ANK2: variants seen among roughly 807,000 people sequenced by gnomAD.
ANK2 encodes the protein ankyrin 2, also known as ankyrin-2.
Under a neutral mutation model 360.5 loss-of-function variants are expected in ANK2, and 83 were observed. The ratio of observed to expected loss-of-function variants is 0.23; its 90% CI spans 0.19 to 0.28. The LOEUF (loss-of-function observed/expected upper bound fraction) is 0.28. Ranked by LOEUF, ANK2 falls within the 10% of genes least tolerant of loss-of-function variation. ANK2 has a pLI of 1.00. For synonymous variants in ANK2, 1,740 were observed against 1,759.5 expected (o/e 0.99, Z 0.28); for missense variants, 4,201 against 4,795.7 (o/e 0.88, Z 3.66).
chr4:113,048,268 ATATATATATTTTTTTTTTT>A (rs2065309838), upstream of ANK2, among the ~76,000 whole-genome samples: 2 of 82,772 alleles, frequency 2.4e-5, no homozygotes, highest in East Asian at 3.2e-4. Context: ...ATATATATAT[ATATATATATTTTTTTTTTT>A]TTTTTTTTTT....
At chr4:113,381,386 C>A in intron 45 of ANK2, 71 bp from the exon 46 acceptor site, 1 of 1,539,844 alleles carries the variant, frequency 6.5e-7, no homozygotes, top group South Asian at 1.1e-5. Flanking sequence ...GTGTAATGGT[C>A]ACCTTCATTC....
At chr4:112,917,466 T>C (rs1488430446) in intron 2 of ANK2, among the ~76,000 whole-genome samples, 1 of 152,158 alleles carries the variant, frequency 6.6e-6, no homozygotes, top group African/African-American at 2.4e-5. Flanking sequence ...TAGGACTACA[T>C]TGGAGGTAAA....
the ANK2 span, among the ~76,000 whole-genome samples, chr4:112,783,176 C>T: frequency 6.6e-5 from 10 of 152,094 alleles, no homozygotes; most frequent in Admixed American, 2.6e-4. Context: ...CCCAAAGTGC[C>T]GGGATTATAG....
At chr4:113,232,507 A>G (rs956147996) in intron 5 of ANK2, among the ~76,000 whole-genome samples, 33 of 152,152 alleles carry the variant, frequency 2.2e-4, no homozygotes, top group Admixed American at 6.5e-5. Context: ...TTAATTTTCC[A>G]TCCTCTGACC....
chr4:112,714,964 T>C, the ANK2 span, among the ~76,000 whole-genome samples: 1 of 152,194 alleles, frequency 6.6e-6, no homozygotes, highest in Non-Finnish European at 1.5e-5. Context: ...CCATCAAACA[T>C]AGTGGCTTCA....
chr4:112,839,819 G>C (rs2061727121), intron 1 of ANK2, among the ~76,000 whole-genome samples: 1 of 152,138 alleles, frequency 6.6e-6, no homozygotes, highest in Admixed American at 6.5e-5. Context: ...TTTGATTGAA[G>C]GATGACTTTA....
At chr4:113,100,056 G>A (rs2092556732) in intron 1 of ANK2, among the ~76,000 whole-genome samples, 2 of 151,998 alleles carry the variant, frequency 1.3e-5, no homozygotes, top group Non-Finnish European at 2.9e-5. Flanking sequence ...AGGTGACCTT[G>A]GGTTTGATGA....
chr4:113,305,045 T>TA (rs1165269182), intron 23 of ANK2, among the ~76,000 whole-genome samples: 2 of 152,122 alleles, frequency 1.3e-5, no homozygotes, highest in Non-Finnish European at 2.9e-5. Context: ...ACGAAATTTA[T>TA]AAAAAATAGC....
At chr4:112,767,548 C>G in the ANK2 span, among the ~76,000 whole-genome samples, 3 of 145,680 alleles carry the variant, frequency 2.1e-5, no homozygotes, top group East Asian at 2.0e-4. Context: ...CACTGGGTGT[C>G]AGAGCGAGAC....
At chr4:113,109,762 C>T (rs2094084921) in intron 1 of ANK2, among the ~76,000 whole-genome samples, 1 of 151,982 alleles carries the variant, frequency 6.6e-6, no homozygotes, top group Admixed American at 6.6e-5. Flanking sequence ...ATATTTTATC[C>T]AGTATTTCTA....
chr4:112,719,991 GAGTT>G, the ANK2 span, among the ~76,000 whole-genome samples: 1 of 152,166 alleles, frequency 6.6e-6, no homozygotes, highest in Admixed American at 6.5e-5. Flanking sequence ...TGAGACTGGT[GAGTT>G]AGTCAACAGC....
the ANK2 span, among the ~76,000 whole-genome samples, chr4:112,809,418 G>A: frequency 8.6e-5 from 13 of 151,428 alleles, no homozygotes; most frequent in East Asian, 1.4e-3. Flanking sequence ...AAAATTAGCC[G>A]GGCATGGTGG....
chr4:113,129,758 C>A (rs1466976914), intron 1 of ANK2, among the ~76,000 whole-genome samples: 1 of 152,082 alleles, frequency 6.6e-6, no homozygotes, highest in Middle Eastern at 3.2e-3. Flanking sequence ...ATGATATTGG[C>A]ATTGATGTAA....
chr4:113,225,408 A>T (rs955260302), intron 4 of ANK2, among the ~76,000 whole-genome samples: 1 of 152,126 alleles, frequency 6.6e-6, no homozygotes, highest in Non-Finnish European at 1.5e-5. Context: ...TGGTGCTATA[A>T]AGACTGTTGA....
chr4:113,342,235 C>T (rs925202238), intron 33 of ANK2, among the ~76,000 whole-genome samples: 1 of 152,058 alleles, frequency 6.6e-6, no homozygotes, highest in African/African-American at 2.4e-5. Context: ...TCCTTGTTGT[C>T]CTTATTTTTT....
At chr4:112,713,564 C>A in the ANK2 span, among the ~76,000 whole-genome samples, 3 of 151,364 alleles carry the variant, frequency 2.0e-5, no homozygotes, top group Non-Finnish European at 4.4e-5. Context: ...AGTGAAACAC[C>A]GTCTCAAAAA....
chr4:113,309,498 T>TTTTG (rs895904916), intron 23 of ANK2, among the ~76,000 whole-genome samples: 2 of 152,072 alleles, frequency 1.3e-5, no homozygotes, highest in African/African-American at 4.8e-5. Context: ...GAGGTGGTTT[T>TTTTG]TTTGTTTGTT....
At chr4:113,253,713 A>G (rs997964634) in intron 10 of ANK2, among the ~76,000 whole-genome samples, 32 of 152,152 alleles carry the variant, frequency 2.1e-4, no homozygotes, top group African/African-American at 7.7e-4. Context: ...CAATCTCATT[A>G]CTACCACTCT....
At chr4:113,360,495 T>C (rs2096136787) in intron 38 of ANK2, among the ~76,000 whole-genome samples, 2 of 152,120 alleles carry the variant, frequency 1.3e-5, no homozygotes, top group Admixed American at 1.3e-4. Context: ...TGGTGTTTCA[T>C]GAACAAGATG....
Sources: allele counts gnomAD v4.1 joint callset (sites outside exome capture counted in the v4.1 genomes callset), GRCh38; gene constraint gnomAD v4.1.1; transcripts MANE v1.5; gene names NCBI Gene and HGNC (gene_info 2026-07-23, HGNC 2026-07-21).